ZNF407: variants seen among roughly 807,000 people sequenced by gnomAD.
ZNF407 encodes the protein zinc finger protein 407.
A neutral mutation model predicts 131.2 loss-of-function variants in ZNF407; 17 were observed. That is an observed-to-expected ratio of 0.13 (90% CI 0.09 to 0.19). The LOEUF (loss-of-function observed/expected upper bound fraction) is 0.19. Ranked by LOEUF, ZNF407 falls within the 10% of genes least tolerant of loss-of-function variation. The probability of loss-of-function intolerance (pLI) is 1.00; values close to 1 mark genes in which losing one functional copy is unlikely to be tolerated. For missense variants in ZNF407, 2,681 were observed against 2,830.6 expected, an observed-to-expected ratio of 0.95 and a Z score of 1.20; for synonymous variants, 1,156 against 1,062.0, an observed-to-expected ratio of 1.09 and a Z score of -1.72.
intron 8 of ZNF407, among the ~76,000 whole-genome samples, chr18:74,964,221 T>C (rs555503658): frequency 1.8e-4 from 27 of 152,212 alleles, no homozygotes; most frequent in Non-Finnish European, 3.7e-4. Context: ...GGTATTCTAG[T>C]GTCTGGCCAT....
At chr18:74,927,773 A>T (rs910531922) in intron 8 of ZNF407, among the ~76,000 whole-genome samples, 2 of 152,162 alleles carry the variant, frequency 1.3e-5, no homozygotes, top group African/African-American at 2.4e-5. Flanking sequence ...ATTTTTTTGC[A>T]TGTATTTCAA....
chr18:74,757,277 A>G (rs1688092938), intron 3 of ZNF407, among the ~76,000 whole-genome samples: 1 of 151,994 alleles, frequency 6.6e-6, no homozygotes, highest in Non-Finnish European at 1.5e-5. Flanking sequence ...TTTAATATAC[A>G]GATGTTTAAA....
chr18:75,051,704 C>T (rs1446332587), intron 8 of ZNF407, among the ~76,000 whole-genome samples: 1 of 152,176 alleles, frequency 6.6e-6, no homozygotes, highest in Non-Finnish European at 1.5e-5. Flanking sequence ...TTTAACAGCT[C>T]TTAAAGAATT....
intron 8 of ZNF407, among the ~76,000 whole-genome samples, chr18:75,059,813 A>G (rs1367903752): frequency 6.6e-6 from 1 of 152,120 alleles, no homozygotes; most frequent in South Asian, 2.1e-4. Flanking sequence ...CAAGACAACC[A>G]TGAGACAGGC....
At chr18:74,686,667 A>G (rs925411863) in intron 3 of ZNF407, among the ~76,000 whole-genome samples, 7 of 152,216 alleles carry the variant, frequency 4.6e-5, no homozygotes, top group African/African-American at 9.7e-5. Flanking sequence ...GATGGTGTCA[A>G]CCTTTTACTG....
chr18:74,976,433 G>A (rs1972529511), intron 8 of ZNF407, among the ~76,000 whole-genome samples: 1 of 152,206 alleles, frequency 6.6e-6, no homozygotes, highest in African/African-American at 2.4e-5. Context: ...GTCCAGCCCT[G>A]CAGGTTGATC....
chr18:74,853,200 C>T (rs958494191), intron 4 of ZNF407, among the ~76,000 whole-genome samples: 1 of 152,144 alleles, frequency 6.6e-6, no homozygotes, highest in African/African-American at 2.4e-5. Context: ...ATTAATGCTC[C>T]TAGCCACTAC....
At chr18:75,022,293 T>G (rs1157337204) in intron 8 of ZNF407, among the ~76,000 whole-genome samples, 2 of 152,158 alleles carry the variant, frequency 1.3e-5, no homozygotes, top group Non-Finnish European at 1.5e-5. Context: ...TTTCTTTTAA[T>G]GAGAGCAAGA....
At chr18:74,865,150 C>T (rs149761308) in intron 4 of ZNF407, among the ~76,000 whole-genome samples, 132 of 152,302 alleles carry the variant, frequency 8.7e-4, no homozygotes, top group Non-Finnish European at 1.4e-3. Flanking sequence ...ACTTGGCCAA[C>T]GCTCAGAGCT....
At chr18:74,924,089 A>C (rs1409428692) in intron 8 of ZNF407, among the ~76,000 whole-genome samples, 2 of 152,244 alleles carry the variant, frequency 1.3e-5, no homozygotes, top group African/African-American at 4.8e-5. Context: ...GAACCAAGCC[A>C]GTCACCAAGG....
chr18:74,936,137 T>C (rs1467588892), intron 8 of ZNF407, among the ~76,000 whole-genome samples: 4 of 152,230 alleles, frequency 2.6e-5, no homozygotes. Context: ...TTTAAAGATA[T>C]TTGATGCTCA....
At chr18:74,834,798 G>A (rs1970532922) in intron 4 of ZNF407, among the ~76,000 whole-genome samples, 1 of 152,172 alleles carries the variant, frequency 6.6e-6, no homozygotes, top group Non-Finnish European at 1.5e-5. Flanking sequence ...GGGTTGATTA[G>A]CTTGCTGGGC....
chr18:74,968,806 A>C (rs1419621096), intron 8 of ZNF407, among the ~76,000 whole-genome samples: 4 of 152,114 alleles, frequency 2.6e-5, no homozygotes, highest in African/African-American at 4.8e-5. Flanking sequence ...CTTGATTGGC[A>C]GGTATTTGTC....
At chr18:74,910,671 T>C (rs113877007) in intron 7 of ZNF407, among the ~76,000 whole-genome samples, 2,054 of 152,290 alleles carry the variant, frequency 0.013, 55 homozygotes, top group African/African-American at 0.047. Flanking sequence ...ACGAAATTAA[T>C]CGCCACTTTC....
intron 1 of ZNF407, among the ~76,000 whole-genome samples, chr18:74,617,471 A>C (rs1983365603): frequency 1.3e-5 from 2 of 152,192 alleles, no homozygotes; most frequent in African/African-American, 4.8e-5. Context: ...TTTTGTATGA[A>C]GCCTTTCTTT....
intron 4 of ZNF407, among the ~76,000 whole-genome samples, chr18:74,815,965 T>C (rs1286274973): frequency 6.6e-6 from 1 of 152,216 alleles, no homozygotes; most frequent in East Asian, 1.9e-4. Context: ...GTTGTTCCAA[T>C]CTCTATGTAA....
intron 8 of ZNF407, among the ~76,000 whole-genome samples, chr18:74,984,251 C>T (rs1972626617): frequency 6.6e-6 from 1 of 152,128 alleles, no homozygotes; most frequent in African/African-American, 2.4e-5. Context: ...TCACATACCT[C>T]AGGTGAGTGC....
chr18:74,697,931 T>C (rs866094966), intron 3 of ZNF407, among the ~76,000 whole-genome samples: 97 of 152,352 alleles, frequency 6.4e-4, no homozygotes, highest in African/African-American at 2.0e-3. Context: ...TTAATGGTTA[T>C]AGAATTTATC....
intron 8 of ZNF407, among the ~76,000 whole-genome samples, chr18:74,966,147 T>A (rs1233698506): frequency 6.6e-6 from 1 of 152,250 alleles, no homozygotes; most frequent in Non-Finnish European, 1.5e-5. Context: ...TTCTTTATTG[T>A]GCAGAAGCTT....
Sources: gnomAD v4.1 joint callset for allele counts (sites outside exome capture counted in the v4.1 genomes callset) on GRCh38, gnomAD v4.1.1 for gene constraint, MANE v1.5 for transcripts, NCBI Gene and HGNC (gene_info 2026-07-23, HGNC 2026-07-21) for gene names.